Variants in CACNA1A observed in about 807,000 individuals in gnomAD.
The protein encoded by CACNA1A is voltage-dependent P/Q-type calcium channel subunit alpha-1A.
In CACNA1A, 57 loss-of-function variants were observed where a neutral mutation model predicts 262.4. The ratio of observed to expected loss-of-function variants is 0.22; its 90% CI spans 0.18 to 0.27. The LOEUF (loss-of-function observed/expected upper bound fraction) is 0.27, where lower values mean the gene tolerates loss of function less well. Among genes scored for constraint, CACNA1A ranks in the 10% least tolerant of loss-of-function variants. The pLI, the probability that CACNA1A is intolerant of heterozygous loss-of-function variation, is 1.00. For missense variants in CACNA1A, 2,526 were observed against 3,562.8 expected (o/e 0.71, Z 7.41); for synonymous variants, 1,431 against 1,419.3 (o/e 1.01, Z -0.18).
intron 38 of CACNA1A, among the ~76,000 whole-genome samples, chr19:13,221,429 C>T (rs145506115): frequency 0.01 from 1,513 of 150,008 alleles, 27 homozygotes; most frequent in African/African-American, 0.035. Flanking sequence ...GATGGGGTTT[C>T]GCCATGTTGG....
intron 3 of CACNA1A, among the ~76,000 whole-genome samples, chr19:13,419,335 A>T (rs993623314): frequency 3.9e-5 from 6 of 152,208 alleles, no homozygotes; most frequent in Admixed American, 2.6e-4. Context: ...AGTTCTCTAC[A>T]TGATGTCCAC....
intron 38 of CACNA1A, among the ~76,000 whole-genome samples, chr19:13,217,899 G>A (rs756791844): frequency 2.0e-5 from 3 of 151,490 alleles, no homozygotes; most frequent in Non-Finnish European, 2.9e-5. Context: ...TTTAGCAGGG[G>A]GCCTTGGGCC....
At position 13,474,614 on chromosome 19, in the gene CACNA1A, C is replaced by G. The variant is rs979429518; in HGVS notation, c.294-19402G>C. Among the ~76,000 whole-genome samples, 3 of 152,092 alleles carry G rather than the reference C, an allele frequency of 2.0e-5. No homozygotes were observed. The South Asian group carries it at 6.2e-4, about 32-fold the overall frequency. On this transcript the variant is annotated intron_variant, in intron 1 of 46. Coordinates refer to ENST00000360228, the MANE Select transcript of CACNA1A (RefSeq NM_001127222.2). ...CGGGCGGATCACAAGGTCAGGAGTT[C>G]GAGACCAGCCTGGCCAATATGGTGA...
intron 38 of CACNA1A, among the ~76,000 whole-genome samples, chr19:13,220,415 TAC>T (rs2055179003): frequency 6.6e-6 from 1 of 152,102 alleles, no homozygotes; most frequent in African/African-American, 2.4e-5. Context: ...CATGGAGGAT[TAC>T]ATGCACTTCC....
In CACNA1A at chr19:13,448,071, C is replaced by T. The variant is rs189217643; in HGVS notation, c.539+4805G>A. Among the ~76,000 whole-genome samples the T allele has an allele frequency of 4.2e-5, 6 of 143,348 alleles. No homozygotes were observed. The East Asian group carries it at 6.2e-4, about 15-fold the overall frequency. The allele number at this position is 143,348 out of a possible 152,430, so 94.0% of individuals were successfully genotyped here. A position where few individuals can be genotyped will look rare whatever the true frequency, so the allele number is the denominator to read the frequency against. ...GAGCTTCCCTAAGTGTTCCCATAAC[C>T]GTGTTATTATGAAAAAAAAAAAAAA... is the stretch of plus-strand genomic sequence containing the variant. On this transcript the variant is annotated intron_variant, in intron 3 of 46. Transcript: ENST00000360228.
chr19:13,386,269 T>C (rs75005112), intron 3 of CACNA1A, among the ~76,000 whole-genome samples: 3 of 152,054 alleles, frequency 2.0e-5, no homozygotes, highest in African/African-American at 7.3e-5. Context: ...AGAAAATGCC[T>C]AATAGTCTCT....
At chr19:13,433,665 C>G (rs1259518449) in intron 3 of CACNA1A, among the ~76,000 whole-genome samples, 4 of 151,884 alleles carry the variant, frequency 2.6e-5, no homozygotes, top group Admixed American at 6.6e-5. Context: ...AAGCCCCAAC[C>G]TCAGAATCTC....
intron 38 of CACNA1A, among the ~76,000 whole-genome samples, chr19:13,223,154 A>G (rs2055300852): frequency 6.6e-6 from 1 of 152,046 alleles, no homozygotes; most frequent in Non-Finnish European, 1.5e-5. Context: ...CCTCCTGAGT[A>G]GCTGGGACCA....
intron 3 of CACNA1A, among the ~76,000 whole-genome samples, chr19:13,427,955 G>T (rs10425642): frequency 0.47 from 69,723 of 149,812 alleles, 16,647 homozygotes; most frequent in Middle Eastern, 0.58. Flanking sequence ...GTTTTTTTTT[G>T]TGTGTGTGAC....
In CACNA1A at chr19:13,262,727, ATC is replaced by A. The variant is rs368911651; in HGVS notation, c.4089+5_4089+6del. On this transcript the variant is annotated splice_donor_5th_base_variant and intron_variant, in intron 25 of 46. Coordinates refer to ENST00000360228, the MANE Select transcript of CACNA1A (RefSeq NM_001127222.2). ...CCCCACCGCACCCCACCATCTCCCAATCTCACCTTGAGCTTTGGCAGCCGCTT... is the reference window on the plus strand; with the variant it reads ...CCCCACCGCACCCCACCATCTCCCAATCACCTTGAGCTTTGGCAGCCGCTT... 7.2e-5 allele frequency: 114 copies of A among 1,593,206 alleles called. No individual in the cohort carries two copies. The African/African-American group carries it at 1.4e-3, about 20-fold the overall frequency.
intron 40 of CACNA1A, chr19:13,213,968 G>A: frequency 2.2e-6 from 1 of 452,902 alleles, no homozygotes; most frequent in Non-Finnish European, 4.1e-6. Flanking sequence ...CTACAGGTGT[G>A]CACCACCATG....
intron 3 of CACNA1A, among the ~76,000 whole-genome samples, chr19:13,449,190 A>G (rs369375924): frequency 4.4e-4 from 67 of 151,064 alleles, no homozygotes; most frequent in Middle Eastern, 6.8e-3. Context: ...CTGGTCTTAA[A>G]CTCCTGGACT....
At chr19:13,394,882 G>A (rs542564514) in intron 3 of CACNA1A, among the ~76,000 whole-genome samples, 269 of 152,268 alleles carry the variant, frequency 1.8e-3, no homozygotes, top group Non-Finnish European at 3.2e-3. Flanking sequence ...GCGGGTCGTA[G>A]AAACCAGACC....
chr19:13,491,359 G>T (rs1980861861), intron 1 of CACNA1A, among the ~76,000 whole-genome samples: 1 of 152,058 alleles, frequency 6.6e-6, no homozygotes, highest in Admixed American at 6.5e-5. Flanking sequence ...AAGCTTAGGG[G>T]CTCATAAGCT....
intron 3 of CACNA1A, among the ~76,000 whole-genome samples, chr19:13,408,050 C>T (rs2060045047): frequency 6.6e-6 from 1 of 152,166 alleles, no homozygotes; most frequent in Admixed American, 6.5e-5. Flanking sequence ...TGCAAGTTTC[C>T]TGTGGCCTCC....
intron 3 of CACNA1A, among the ~76,000 whole-genome samples, chr19:13,446,645 TG>T (rs1174113997): frequency 6.8e-6 from 1 of 146,016 alleles, no homozygotes; most frequent in African/African-American, 2.6e-5. Flanking sequence ...TTAGTACAGA[TG>T]GGGTTTCACC....
At chr19:13,396,965 A>C (rs2059821612) in intron 3 of CACNA1A, among the ~76,000 whole-genome samples, 1 of 152,224 alleles carries the variant, frequency 6.6e-6, no homozygotes, top group African/African-American at 2.4e-5. Context: ...GGGTTCCAGG[A>C]AATGTAGGGC....
intron 20 of CACNA1A, 92 bp from the exon 21 acceptor site, chr19:13,285,298 G>A: frequency 6.9e-7 from 1 of 1,444,022 alleles, no homozygotes; most frequent in Non-Finnish European, 9.5e-7. Context: ...GCAAGAAGCG[G>A]CTGACATTTC....
chr19:13,432,190 G>A (rs1319349156), intron 3 of CACNA1A, among the ~76,000 whole-genome samples: 1 of 151,248 alleles, frequency 6.6e-6, no homozygotes, highest in African/African-American at 2.4e-5. Context: ...CGAGGTGGGT[G>A]GATCACTGGA....
Sources: gnomAD v4.1 joint callset for allele counts (sites outside exome capture counted in the v4.1 genomes callset) on GRCh38, gnomAD v4.1.1 for gene constraint, MANE v1.5 for transcripts, NCBI Gene and HGNC (gene_info 2026-07-23, HGNC 2026-07-21) for gene names.